SYN3: variants seen among roughly 807,000 people sequenced by gnomAD.
The protein encoded by SYN3 is synapsin-3.
In SYN3, 35 loss-of-function variants were observed where a neutral mutation model predicts 65.8. That is an observed-to-expected ratio of 0.53 (90% CI 0.41 to 0.70). The LOEUF (loss-of-function observed/expected upper bound fraction) is 0.70, where lower values mean the gene tolerates loss of function less well. Among genes scored for constraint, SYN3 ranks in the 30% least tolerant of loss-of-function variants. SYN3 has a pLI of 0.00. For synonymous variants in SYN3, 270 were observed against 292.9 expected (o/e 0.92, Z 0.80); for missense variants, 680 against 749.0 (o/e 0.91, Z 1.08).
At chr22:32,708,891 C>T (rs1451393795) in intron 6 of SYN3, among the ~76,000 whole-genome samples, 1 of 152,226 alleles carries the variant, frequency 6.6e-6, no homozygotes, top group Non-Finnish European at 1.5e-5. Flanking sequence ...TGACTCCGTG[C>T]GGAAGGACTT....
intron 7 of SYN3, among the ~76,000 whole-genome samples, chr22:32,560,796 C>T (rs898118228): frequency 3.3e-5 from 5 of 152,116 alleles, no homozygotes; most frequent in Non-Finnish European, 5.9e-5. Flanking sequence ...TGTTGTGAGA[C>T]TAAAGCAAGG....
intron 3 of SYN3, among the ~76,000 whole-genome samples, chr22:32,951,738 C>T (rs897942630): frequency 6.6e-6 from 1 of 152,238 alleles, no homozygotes; most frequent in Non-Finnish European, 1.5e-5. Flanking sequence ...GAGGTGACAT[C>T]AAGTGCATGC....
At position 32,751,702 on chromosome 22, in the gene SYN3, C is replaced by G. The variant is rs368036211; in HGVS notation, c.711+113213G>C. 5.3e-5 allele frequency among the ~76,000 whole-genome samples: 8 copies of G among 152,296 alleles called. No individual in the cohort carries two copies. In the East Asian group the frequency reaches 1.2e-3, roughly 22 times the overall value. The stretch of plus-strand genomic sequence containing the variant: ...CACTTGTTTGCCAAGAGGACAAATT[C>G]TGGGAGACCTTGTGACAGGCCCTCT... On this transcript the variant is annotated intron_variant, in intron 6 of 13. Transcript: ENST00000358763.
intron 6 of SYN3, among the ~76,000 whole-genome samples, chr22:32,698,106 T>G (rs1361977809): frequency 6.6e-6 from 1 of 152,190 alleles, no homozygotes; most frequent in African/African-American, 2.4e-5. Context: ...TGTAGAGGTT[T>G]GGGGGTTGTT....
rs186226251 is a variant in SYN3 at position 32,739,209 on chromosome 22, A to G, written c.711+125706T>C. 3.7e-3 allele frequency among the ~76,000 whole-genome samples: 558 copies of G among 151,614 alleles called. 2 individuals are homozygous for G. The highest frequency in any genetic ancestry group is 0.015 in the East Asian group (78 of 5,106). ...CGGTTTCCCCCATACTGTTCTCGTG[A>G]TAGTAAATAAGTCTCATGAGATCTG... is the stretch of plus-strand genomic sequence containing the variant. On this transcript the variant is annotated intron_variant, in intron 6 of 13. Transcript: ENST00000358763.
chr22:32,944,013 C>A lies in SYN3; in HGVS notation c.370-12532G>T, dbSNP rs528848272. 2.6e-5 allele frequency among the ~76,000 whole-genome samples: 4 copies of A among 152,250 alleles called. No homozygotes were observed. In the East Asian group the frequency reaches 5.8e-4, roughly 22 times the overall value. ...ACAATAATAATGGAAGACTTTAACA[C>A]CCCACTGTCAACATCAGACAGATCA... On this transcript the variant is annotated intron_variant, in intron 3 of 13. Coordinates refer to ENST00000358763, the MANE Select transcript of SYN3 (RefSeq NM_003490.4).
intron 12 of SYN3, among the ~76,000 whole-genome samples, chr22:32,518,964 G>GA (rs1354736786): frequency 6.6e-6 from 1 of 152,164 alleles, no homozygotes; most frequent in East Asian, 1.9e-4. Context: ...TATAAGAGGA[G>GA]AAAGAAATAT....
rs911395998 is a variant in SYN3, at chr22:32,691,469, G to T, written c.712-94733C>A. Among the ~76,000 whole-genome samples, 8 of 152,092 alleles carry T rather than the reference G, an allele frequency of 5.3e-5. No individual in the cohort carries two copies. In the South Asian group the frequency reaches 1.2e-3, roughly 24 times the overall value. ...AACAAGCCATATATTTGTGTGTCTG[G>T]CAGGATTTAGGTAAGGTCTTGCCTA... is the stretch of plus-strand genomic sequence containing the variant. On this transcript the variant is annotated intron_variant, in intron 6 of 13. Transcript: ENST00000358763.
intron 3 of SYN3, among the ~76,000 whole-genome samples, chr22:32,975,912 A>G (rs1418933911): frequency 3.3e-5 from 5 of 152,182 alleles, no homozygotes; most frequent in Non-Finnish European, 4.4e-5. Context: ...ACACTTCTCT[A>G]TCTTGTTGAC....
intron 6 of SYN3, among the ~76,000 whole-genome samples, chr22:32,712,540 A>G (rs2060980113): frequency 6.6e-6 from 1 of 152,056 alleles, no homozygotes; most frequent in Admixed American, 6.6e-5. Flanking sequence ...GCCTCTTGTC[A>G]TAATCAGCCC....
At chr22:32,757,420 C>A (rs967099289) in intron 6 of SYN3, among the ~76,000 whole-genome samples, 3 of 151,740 alleles carry the variant, frequency 2.0e-5, no homozygotes, top group Non-Finnish European at 2.9e-5. Context: ...GCCTCAGCAT[C>A]CTGAGTGGCT....
chr22:32,845,067 C>T (rs1345175494), intron 6 of SYN3, among the ~76,000 whole-genome samples: 3 of 151,994 alleles, frequency 2.0e-5, no homozygotes, highest in Non-Finnish European at 4.4e-5. Flanking sequence ...CCCTAGAAGC[C>T]CAGATTCTCT....
chr22:32,578,246 TCTCTCTCC>T (rs777911438), intron 7 of SYN3, among the ~76,000 whole-genome samples: 11 of 150,962 alleles, frequency 7.3e-5, no homozygotes, highest in Non-Finnish European at 1.5e-4. Flanking sequence ...TTGCTTTCTC[TCTCTCTCC>T]CTCTCTCTTT....
chr22:32,517,792 G>T (rs973061576), intron 13 of SYN3, among the ~76,000 whole-genome samples: 1 of 152,012 alleles, frequency 6.6e-6, no homozygotes, highest in Admixed American at 6.6e-5. Context: ...TGTTTGTTAT[G>T]CAGCAAACAA....
chr22:32,584,902 C>T (rs1156372084), intron 7 of SYN3, among the ~76,000 whole-genome samples: 3 of 152,136 alleles, frequency 2.0e-5, no homozygotes, highest in Non-Finnish European at 4.4e-5. Flanking sequence ...TGGGTGGGGC[C>T]TTGTGAAATT....
intron 3 of SYN3, among the ~76,000 whole-genome samples, chr22:32,936,077 C>G (rs751049277): frequency 6.6e-6 from 1 of 151,956 alleles, no homozygotes; most frequent in Non-Finnish European, 1.5e-5. Flanking sequence ...ACTGGTGTAC[C>G]CTGAAAAAGA....
At chr22:32,961,319 ATCTCTCTC>A (rs144339107) in intron 3 of SYN3, among the ~76,000 whole-genome samples, 3 of 148,710 alleles carry the variant, frequency 2.0e-5, no homozygotes, top group African/African-American at 7.4e-5. Context: ...TCTTTCTAGC[ATCTCTCTC>A]TCTCTCTCTC....
At position 33,058,381 on chromosome 22, in the gene SYN3, T is replaced by A. The variant is rs1316570340; in HGVS notation, c.-252A>T. The A allele has an allele frequency of 6.6e-6, 1 of 151,322 alleles. No homozygotes were observed. Among genetic ancestry groups the A allele is most frequent in the Non-Finnish European group, 1.5e-5 (1 of 67,796 alleles). 9.4% of individuals were successfully genotyped at this position (151,322 alleles called of 1,614,324 possible). A position where few individuals can be genotyped will look rare whatever the true frequency, so the allele number is the denominator to read the frequency against. On this transcript the variant is annotated 5_prime_UTR_variant, in exon 1 of 14. Coordinates refer to ENST00000358763, the MANE Select transcript of SYN3 (RefSeq NM_003490.4). Reference sequence around the variant, plus strand: ...CTCCGGGTCCCGGGAGCTCAGCCTCTGCCCCTCAACGCGCGCGAGCGCCCC... The same window carrying A: ...CTCCGGGTCCCGGGAGCTCAGCCTCAGCCCCTCAACGCGCGCGAGCGCCCC...
intron 2 of SYN3, among the ~76,000 whole-genome samples, chr22:32,987,582 A>C (rs1310333628): frequency 6.6e-6 from 1 of 152,210 alleles, no homozygotes; most frequent in Non-Finnish European, 1.5e-5. Flanking sequence ...GAATGCACTA[A>C]GAGTGATGAG....
Sources: gnomAD v4.1 joint callset for allele counts (sites outside exome capture counted in the v4.1 genomes callset) on GRCh38, gnomAD v4.1.1 for gene constraint, MANE v1.5 for transcripts, NCBI Gene and HGNC (gene_info 2026-07-23, HGNC 2026-07-21) for gene names.